CRISP3: variants seen among roughly 807,000 people sequenced by gnomAD.
CRISP3 encodes the protein cysteine-rich secretory protein 3.
Under a neutral mutation model 36.1 loss-of-function variants are expected in CRISP3, and 33 were observed. The ratio of observed to expected loss-of-function variants is 0.91; its 90% CI spans 0.69 to 1.22. The LOEUF (loss-of-function observed/expected upper bound fraction) is 1.22. Ranked by LOEUF, CRISP3 falls within the 50% of genes most tolerant of loss-of-function variation. CRISP3 has a pLI of 0.00. For missense variants in CRISP3, 330 were observed against 301.2 expected (o/e 1.10, Z -0.71); for synonymous variants, 117 against 104.6 (o/e 1.12, Z -0.72).
At chr6:49,732,757 G>C (rs553584) in intron 6 of CRISP3, among the ~76,000 whole-genome samples, 21,382 of 152,180 alleles carry the variant, frequency 0.14, 1,690 homozygotes, top group African/African-American at 0.21. Context: ...GCAGGAGTAA[G>C]AGCATTTGAG....
At chr6:49,731,007 A>C (rs967295642) in intron 7 of CRISP3, among the ~76,000 whole-genome samples, 156 bp downstream of exon 7, 1 of 152,080 alleles carries the variant, frequency 6.6e-6, no homozygotes, top group Non-Finnish European at 1.5e-5. Flanking sequence ...GCACCACTGC[A>C]CTCCAGCCTG....
At chr6:49,738,874 C>T (rs1294659151) in intron 1 of CRISP3, among the ~76,000 whole-genome samples, 1 of 152,058 alleles carries the variant, frequency 6.6e-6, no homozygotes. Context: ...TGCTGGTATC[C>T]ATTTGTATCA....
chr6:49,728,951 A>G, intron 7 of CRISP3, 94 bp from the exon 8 acceptor site: 5 of 1,206,992 alleles, frequency 4.1e-6, no homozygotes, highest in Non-Finnish European at 5.7e-6. Context: ...GAGAGTAGGG[A>G]AGTGAGCAAA....
intron 4 of CRISP3, 68 bp from the exon 5 acceptor site, chr6:49,733,916 A>G (rs1255765203): frequency 2.3e-6 from 3 of 1,297,622 alleles, no homozygotes; most frequent in African/African-American, 1.5e-5. Flanking sequence ...ACACAAACAC[A>G]CACACACTAC....
At chr6:49,729,906 A>G (rs1768872547) in intron 7 of CRISP3, among the ~76,000 whole-genome samples, 1 of 152,186 alleles carries the variant, frequency 6.6e-6, no homozygotes, top group Non-Finnish European at 1.5e-5. Flanking sequence ...AGATCTTATC[A>G]TTCTTCTGTT....
At chr6:49,739,762 GA>G (rs1272106743) in intron 1 of CRISP3, among the ~76,000 whole-genome samples, 1 of 146,646 alleles carries the variant, frequency 6.8e-6, no homozygotes, top group African/African-American at 2.6e-5. Flanking sequence ...GTACTAGAAA[GA>G]ATGAAAAAAA....
At chr6:49,739,473 G>A (rs768479576) in intron 1 of CRISP3, among the ~76,000 whole-genome samples, 7 of 152,150 alleles carry the variant, frequency 4.6e-5, no homozygotes, top group Non-Finnish European at 1.0e-4. Context: ...AAAGAGGAGA[G>A]TAAAATTTTA....
At position 49,727,920 on chromosome 6, in the gene CRISP3, A is replaced by G. The variant is rs1348774548; in HGVS notation, c.*810T>C. On this transcript the variant is annotated 3_prime_UTR_variant, in exon 8 of 8. Transcript: ENST00000263045. ...TCATTTGTCATTTTTCTCCCCTGTA[A>G]AGTTACTATGTTTCCCTTTCCATAC... The G allele has an allele frequency of 3.9e-5, 6 of 151,988 alleles. No homozygotes were observed. The highest frequency in any genetic ancestry group is 7.4e-5 in the Non-Finnish European group (5 of 67,980). 9.4% of individuals were successfully genotyped at this position (151,988 alleles called of 1,614,324 possible).
intron 1 of CRISP3, among the ~76,000 whole-genome samples, chr6:49,739,026 A>G (rs1328313862): frequency 1.3e-5 from 2 of 152,130 alleles, no homozygotes; most frequent in African/African-American, 2.4e-5. Context: ...TCCACGAAAA[A>G]TGATGTTGCC....
chr6:49,735,598 C>G lies in CRISP3; in HGVS notation c.229-7G>C. On this transcript the variant is annotated splice_polypyrimidine_tract_variant and splice_region_variant and intron_variant, in intron 3 of 7. Transcript: ENST00000263045. ...CAGCCTCTTTGTTCCATTCCTGAAA[C>G]AAGGACAGAAAAAAGATATCCACTT... The G allele has an allele frequency of 6.2e-7, 1 of 1,608,644 alleles. No homozygotes were observed. The highest frequency in any genetic ancestry group is 8.5e-7 in the Non-Finnish European group (1 of 1,176,960).
Position 49,737,354 on chromosome 6 carries a change from G to A in CRISP3, c.82C>T (p.Leu28Phe). 1.2e-6 allele frequency: 2 copies of A among 1,613,848 alleles called. No homozygotes were observed. Among genetic ancestry groups the A allele is most frequent in the Non-Finnish European group, 1.7e-6 (2 of 1,179,886 alleles). Residue 28 changes from leucine to phenylalanine, a missense_variant, in exon 2 of 8, where the codon CTT (leucine) becomes TTT (phenylalanine). Transcript: ENST00000263045. ...PVLLFLVAGL[L>F]PSFPANEDKD... ...TCTTCATTTGCTGGAAAAGATGGAAGCAGCCCAGCAACCAGGAACAACAGC... is the reference window on the plus strand; with the variant it reads ...TCTTCATTTGCTGGAAAAGATGGAAACAGCCCAGCAACCAGGAACAACAGC...
At chr6:49,733,364 A>G in intron 5 of CRISP3, 72 bp from the exon 6 acceptor site, 3 of 1,015,410 alleles carry the variant, frequency 3.0e-6, no homozygotes, top group Non-Finnish European at 4.4e-6. Context: ...AATAGTAGGA[A>G]ATACAAAATG....
At position 49,735,471 on chromosome 6, in the gene CRISP3, A is replaced by G. The variant is rs978444396; in HGVS notation, c.316+33T>C. 5 of 1,489,156 alleles carry G rather than the reference A, an allele frequency of 3.4e-6. No homozygotes were observed. The African/African-American group carries it at 7.0e-5, about 21-fold the overall frequency. 92.2% of individuals were successfully genotyped at this position (1,489,156 alleles called of 1,614,324 possible). ...ACATGGTTTATTATTTTACTTGTTG[A>G]TTTATTCAACAAATATTTCCTAATT... On this transcript the variant is annotated intron_variant, in intron 4 of 7. Transcript: ENST00000263045.
intron 1 of CRISP3, among the ~76,000 whole-genome samples, chr6:49,741,620 T>G (rs1017541919): frequency 1.4e-5 from 2 of 147,462 alleles, no homozygotes; most frequent in African/African-American, 2.5e-5. Context: ...AGTTTTTTTT[T>G]TTTTTTTTTT....
In CRISP3 at chr6:49,728,784, C is replaced by T. The variant is rs770163927; in HGVS notation, c.723G>A (p.Gln241=). Residue 241 remains glutamine, a synonymous_variant, in exon 8 of 8, where the codon CAG becomes CAA. Transcript: ENST00000263045. ...AGGCCTTGCAACTGTCCCTGACCAACTGATGTTTACAGGTTAATGTGAGCT... is the reference window on the plus strand; with the variant it reads ...AGGCCTTGCAACTGTCCCTGACCAATTGATGTTTACAGGTTAATGTGAGCT... The part of the protein sequence containing the change: ...SLKLTLTCKH[Q]LVRDSCKASC... 1.1e-5 allele frequency: 17 copies of T among 1,612,560 alleles called. No homozygotes were observed. The highest frequency in any genetic ancestry group is 1.4e-5 in the Non-Finnish European group (16 of 1,179,122).
intron 4 of CRISP3, among the ~76,000 whole-genome samples, chr6:49,735,189 A>G (rs552957668): frequency 6.6e-5 from 10 of 152,184 alleles, no homozygotes; most frequent in Non-Finnish European, 1.2e-4. Flanking sequence ...TTAATTGCCA[A>G]TCATCATTTT....
At chr6:49,733,550 A>T (rs1768967276) in intron 5 of CRISP3, among the ~76,000 whole-genome samples, 153 bp downstream of exon 5, 1 of 152,192 alleles carries the variant, frequency 6.6e-6, no homozygotes, top group Non-Finnish European at 1.5e-5. Context: ...CTGAAAAATG[A>T]CAGTTCACAG....
At chr6:49,738,080 G>A (rs1183314974) in intron 1 of CRISP3, among the ~76,000 whole-genome samples, 1 of 151,830 alleles carries the variant, frequency 6.6e-6, no homozygotes, top group African/African-American at 2.4e-5. Flanking sequence ...TTTTTCCTCT[G>A]GATCTTAAAA....
intron 7 of CRISP3, among the ~76,000 whole-genome samples, chr6:49,730,565 A>G (rs1175321150): frequency 6.6e-6 from 1 of 152,184 alleles, no homozygotes; most frequent in African/African-American, 2.4e-5. Flanking sequence ...GTATAATGAT[A>G]TAAACTTTGA....
Sources: allele counts gnomAD v4.1 joint callset (sites outside exome capture counted in the v4.1 genomes callset), GRCh38; gene constraint gnomAD v4.1.1; transcripts MANE v1.5; gene names NCBI Gene and HGNC (gene_info 2026-07-23, HGNC 2026-07-21).